The following PACS2 variants were observed in gnomAD, a reference collection of about 807,000 sequenced individuals.
PACS2 encodes the protein PACS1-like protein.
Under a neutral mutation model 113.0 loss-of-function variants are expected in PACS2, and 36 were observed. That is an observed-to-expected ratio of 0.32 (90% confidence interval 0.24 to 0.42). The LOEUF (loss-of-function observed/expected upper bound fraction) is 0.42, where lower values mean the gene tolerates loss of function less well. PACS2 is among the 10% of genes least tolerant of loss of function. The pLI, the probability that PACS2 is intolerant of heterozygous loss-of-function variation, is 1.00. For missense variants in PACS2, 1,015 were observed against 1,239.5 expected (o/e 0.82, Z 2.72); for synonymous variants, 589 against 536.1 (o/e 1.10, Z -1.36).
chr14:105,348,415 C>A lies in PACS2; in HGVS notation c.120-78C>A. On this transcript the variant is annotated intron_variant, in intron 1 of 24. Transcript: ENST00000447393. This position sits in a 1 kb window ranked among gnomAD's most constrained non-coding sequence, Gnocchi z 6.4. ...CCCAGGGTGCAGGCTCCCGGGGTGA[C>A]ACAGTGCTGGGACGGCACAGGGCCG... 8.7e-7 allele frequency: 1 copy of A among 1,144,332 alleles called. No homozygotes were observed. Among genetic ancestry groups the A allele is most frequent in the Admixed American group, 1.9e-5 (1 of 53,064 alleles). The allele number at this position is 1,144,332 out of a possible 1,614,324, so 70.9% of individuals were successfully genotyped here.
intron 16 of PACS2, 77 bp from the exon 17 acceptor site, chr14:105,384,276 C>A: frequency 1.2e-6 from 1 of 857,362 alleles, no homozygotes; most frequent in East Asian, 2.6e-5. Context: ...GTCGGGTGGC[C>A]CAGCTTTTGT....
At chr14:105,325,870 C>T (rs2059085352) in intron 1 of PACS2, among the ~76,000 whole-genome samples, 1 of 152,266 alleles carries the variant, frequency 6.6e-6, no homozygotes, top group African/African-American at 2.4e-5. Flanking sequence ...GAGCTTGGCC[C>T]CTCTGCTGGG....
intron 1 of PACS2, among the ~76,000 whole-genome samples, chr14:105,322,588 A>G (rs994022640): frequency 6.6e-6 from 1 of 152,260 alleles, no homozygotes; most frequent in Non-Finnish European, 1.5e-5. Context: ...TTTAATGTGC[A>G]TAGTTAATTG....
At chr14:105,306,218 ACACGCCTAGG>A (rs2058181915) in intron 1 of PACS2, among the ~76,000 whole-genome samples, 1 of 152,146 alleles carries the variant, frequency 6.6e-6, no homozygotes, top group African/African-American at 2.4e-5. Context: ...GTTTTGAAGG[ACACGCCTAGG>A]CACCTGCAAA....
At chr14:105,313,213 C>T (rs587756088), upstream of PACS2, among the ~76,000 whole-genome samples, 10 of 152,340 alleles carry the variant, frequency 6.6e-5, no homozygotes, top group African/African-American at 1.2e-4. Context: ...TGCAACTGCA[C>T]GCTCGCCAGG....
chr14:105,398,137 G>C lies in PACS2; in HGVS notation c.*3465G>C, dbSNP rs2081577272. ...TGCTGATGCAACACTAATAAACCTGGAGGGGCCGGCCCCCGCCTGCAGTGT... is the reference window on the plus strand; with the variant it reads ...TGCTGATGCAACACTAATAAACCTGCAGGGGCCGGCCCCCGCCTGCAGTGT... On this transcript the variant is annotated 3_prime_UTR_variant, in exon 25 of 25. Coordinates refer to ENST00000447393, the MANE Select transcript of PACS2 (RefSeq NM_001100913.3). 6.6e-6 allele frequency: 1 copy of C among 152,162 alleles called. No individual in the cohort carries two copies. Among genetic ancestry groups the C allele is most frequent in the East Asian group, 1.9e-4 (1 of 5,196 alleles). 9.4% of individuals were successfully genotyped at this position (152,162 alleles called of 1,614,324 possible).
intron 8 of PACS2, among the ~76,000 whole-genome samples, chr14:105,374,137 A>G (rs1157605451): frequency 7.9e-5 from 12 of 151,162 alleles, no homozygotes; most frequent in Admixed American, 5.9e-4. Flanking sequence ...CCTGGGCGAC[A>G]CAGCGAGACT....
intron 4 of PACS2, among the ~76,000 whole-genome samples, chr14:105,361,356 G>C (rs587679815): frequency 4.6e-5 from 7 of 152,178 alleles, no homozygotes; most frequent in Non-Finnish European, 8.8e-5. Flanking sequence ...AGAAAAAAAG[G>C]CTGGGCACGG....
In PACS2 at chr14:105,376,814, A is replaced by C. The variant is rs141446475; in HGVS notation, c.848A>C (p.Glu283Ala). 1.2e-6 allele frequency: 2 copies of C among 1,613,248 alleles called. No homozygotes were observed. The highest frequency in any genetic ancestry group is 3.3e-5 in the Admixed American group (2 of 59,996). ...CCTGCGGAGCACATCCCCGAGGCAG[A>C]GGAGGACCTGGACCTCCTGTATGAC... ...QDPAEHIPEA[E>A]EDLDLLYDTL... is the part of the protein sequence containing the mutation. The change falls in exon 9 of 25, where the codon GAG becomes GCG. Residue 283 changes from glutamate to alanine, a missense_variant. Transcript: ENST00000447393. This position sits in a 1 kb window ranked among gnomAD's most constrained non-coding sequence, Gnocchi z 4.7.
chr14:105,378,300 G>A (rs1431731733), intron 9 of PACS2, among the ~76,000 whole-genome samples: 2 of 152,230 alleles, frequency 1.3e-5, no homozygotes, highest in Non-Finnish European at 2.9e-5. Flanking sequence ...TGTGCGTCTC[G>A]GGGCTATGAT....
intron 1 of PACS2, among the ~76,000 whole-genome samples, chr14:105,338,715 G>A (rs2059617054): frequency 6.6e-6 from 1 of 152,196 alleles, no homozygotes; most frequent in South Asian, 2.1e-4. Context: ...CTGCCCTTGG[G>A]TGCCCAGGCC....
chr14:105,372,382 G>A (rs893430104), intron 8 of PACS2: 2 of 152,214 alleles, frequency 1.3e-5, no homozygotes, highest in Admixed American at 6.5e-5. Context: ...ACTGAGGCTT[G>A]ACAATGCACA....
intron 19 of PACS2, among the ~76,000 whole-genome samples, chr14:105,386,763 G>GGCTGGGC (rs1185131474): frequency 6.6e-6 from 1 of 152,146 alleles, no homozygotes; most frequent in African/African-American, 2.4e-5. Flanking sequence ...ACAGCTGTAG[G>GGCTGGGC]GCTGGGCGCT....
At position 105,366,138 on chromosome 14, in the gene PACS2, T is replaced by A. The variant is rs1170883613; in HGVS notation, c.424-1075T>A. Among the ~76,000 whole-genome samples, 2 of 152,028 alleles carry A rather than the reference T, an allele frequency of 1.3e-5. No homozygotes were observed. The highest frequency in any genetic ancestry group is 2.9e-5 in the Non-Finnish European group (2 of 68,004). On this transcript the variant is annotated intron_variant, in intron 4 of 24. Coordinates refer to ENST00000447393, the MANE Select transcript of PACS2 (RefSeq NM_001100913.3). This position sits in a 1 kb window ranked among gnomAD's most constrained non-coding sequence, Gnocchi z 4.3. The stretch of plus-strand genomic sequence containing the variant: ...GCCGAGGCAGGCAGATCATTTGAGG[T>A]CAGGAGTTTGAGACCATCCTGGCCA...
chr14:105,383,046 C>T (rs1224232206), intron 15 of PACS2, 133 bp downstream of exon 15: 3 of 646,380 alleles, frequency 4.6e-6, no homozygotes, highest in Non-Finnish European at 8.2e-6. Flanking sequence ...AGAGGCTGAC[C>T]CATGCGCTCT....
intron 1 of PACS2, among the ~76,000 whole-genome samples, chr14:105,335,596 C>T (rs968323422): frequency 2.6e-5 from 4 of 152,228 alleles, no homozygotes; most frequent in Non-Finnish European, 4.4e-5. Context: ...TCACTGGGCC[C>T]AGGCATGGAG....
Position 105,329,761 on chromosome 14 carries a change from C to T in PACS2, c.119+14724C>T, listed in dbSNP as rs968803509. On this transcript the variant is annotated intron_variant, in intron 1 of 24. Transcript: ENST00000447393. This position sits in a 1 kb window ranked among gnomAD's most constrained non-coding sequence, Gnocchi z 6.4. ...GTATCAGCTCCCGGACTGCAGGCAG[C>T]AGCAAACTCTGCCGTGTGGTACTGC... 1.1e-4 allele frequency among the ~76,000 whole-genome samples: 16 copies of T among 152,206 alleles called. No individual in the cohort carries two copies. The highest frequency in any genetic ancestry group is 4.1e-4 in the South Asian group (2 of 4,830).
At chr14:105,392,273 C>G (rs1331442906) in intron 22 of PACS2, 1 of 396,796 alleles carries the variant, frequency 2.5e-6, no homozygotes, top group East Asian at 5.7e-5. Flanking sequence ...CCCCCGACCC[C>G]CCTGCCTCTG....
intron 2 of PACS2, among the ~76,000 whole-genome samples, chr14:105,351,378 G>A (rs1424844924): frequency 6.6e-6 from 1 of 152,212 alleles, no homozygotes; most frequent in Non-Finnish European, 1.5e-5. Context: ...CTGGCCTGAA[G>A]CTCACTGGGT....
Sources: allele counts gnomAD v4.1 joint callset (sites outside exome capture counted in the v4.1 genomes callset), GRCh38; gene constraint gnomAD v4.1.1; non-coding constraint Gnocchi (gnomAD v3.1); transcripts MANE v1.5; gene names NCBI Gene and HGNC (gene_info 2026-07-23, HGNC 2026-07-21).